DOK6: variants seen among roughly 807,000 people sequenced by gnomAD.
The protein encoded by DOK6 is downstream of tyrosine kinase 6.
Under a neutral mutation model 44.0 loss-of-function variants are expected in DOK6, and 22 were observed. That is an observed-to-expected ratio of 0.50 (90% confidence interval 0.36 to 0.71). DOK6 has a LOEUF of 0.71. Among genes scored for constraint, DOK6 ranks in the 30% least tolerant of loss-of-function variants. DOK6 has a pLI of 0.00. For synonymous variants in DOK6, 166 were observed against 145.5 expected (o/e 1.14, Z -1.01); for missense variants, 340 against 416.4 (o/e 0.82, Z 1.60).
chr18:69,469,740 C>T (rs1568267838), intron 1 of DOK6: 2 of 269,438 alleles, frequency 7.4e-6, no homozygotes, highest in Non-Finnish European at 7.7e-6. Context: ...GGGCAGGACA[C>T]GAGAGGCCAG....
chr18:69,483,206 T>C (rs7233100), intron 1 of DOK6, among the ~76,000 whole-genome samples: 36,189 of 151,776 alleles, frequency 0.24, 4,738 homozygotes, highest in East Asian at 0.53. Flanking sequence ...TATCCCTGCA[T>C]GAACCTATAT....
intron 3 of DOK6, among the ~76,000 whole-genome samples, chr18:69,624,772 A>T (rs1369901155): frequency 1.3e-5 from 2 of 152,108 alleles, no homozygotes; most frequent in Non-Finnish European, 2.9e-5. Flanking sequence ...TCATTTTATC[A>T]TACATATTAG....
In DOK6 at chr18:69,846,782, CTT is replaced by C. The variant is rs1982353718; in HGVS notation, c.*5401_*5402del. 1 of 152,122 alleles carries C rather than the reference CTT, an allele frequency of 6.6e-6. No individual in the cohort carries two copies. The highest frequency in any genetic ancestry group is 1.5e-5 in the Non-Finnish European group (1 of 68,008). The allele number at this position is 152,122 out of a possible 1,614,324, so 9.4% of individuals were successfully genotyped here. On this transcript the variant is annotated 3_prime_UTR_variant, in exon 8 of 8. Coordinates refer to ENST00000382713, the MANE Select transcript of DOK6 (RefSeq NM_152721.6). ...TCATTATTTATGGCATTTTTAACAA[CTT>C]TGTTGCATAATTGATAACATCAGGG... is the stretch of plus-strand genomic sequence containing the variant.
At chr18:69,434,953 AGGG>A (rs1978913919) in intron 1 of DOK6, among the ~76,000 whole-genome samples, 2 of 123,908 alleles carry the variant, frequency 1.6e-5, no homozygotes, top group Non-Finnish European at 3.4e-5. Context: ...GGAGGGAGGG[AGGG>A]AAGGAAGGAA....
At chr18:69,826,283 C>G (rs1187748782) in intron 7 of DOK6, among the ~76,000 whole-genome samples, 1 of 152,152 alleles carries the variant, frequency 6.6e-6, no homozygotes, top group Non-Finnish European at 1.5e-5. Context: ...GTACTCTCAG[C>G]CTTTTCCATA....
chr18:69,826,397 GA>G, intron 7 of DOK6, among the ~76,000 whole-genome samples: 1 of 152,166 alleles, frequency 6.6e-6, no homozygotes, highest in East Asian at 1.9e-4. Context: ...TATTTAATAT[GA>G]AAAATAATTC....
chr18:69,406,615 A>C (rs1916210896), intron 1 of DOK6, among the ~76,000 whole-genome samples: 1 of 152,240 alleles, frequency 6.6e-6, no homozygotes, highest in Admixed American at 6.5e-5. Flanking sequence ...GATAATACTC[A>C]GTACTTAAAG....
chr18:69,637,402 T>C (rs779215228), intron 3 of DOK6, among the ~76,000 whole-genome samples: 27 of 152,340 alleles, frequency 1.8e-4, no homozygotes, highest in Non-Finnish European at 3.2e-4. Context: ...AAGATACTTT[T>C]ATCCTTATTT....
At chr18:69,427,305 G>A (rs552737332) in intron 1 of DOK6, among the ~76,000 whole-genome samples, 7 of 152,126 alleles carry the variant, frequency 4.6e-5, no homozygotes, top group South Asian at 2.1e-4. Flanking sequence ...ACATAAAAAC[G>A]TGGGCAAAGG....
At chr18:69,800,176 C>T (rs926891332) in intron 7 of DOK6, among the ~76,000 whole-genome samples, 3 of 151,946 alleles carry the variant, frequency 2.0e-5, no homozygotes, top group Admixed American at 6.6e-5. Flanking sequence ...TATAAAGCCA[C>T]TAATCTATGG....
chr18:69,679,982 TAAAG>T (rs758154150), intron 4 of DOK6, among the ~76,000 whole-genome samples: 8 of 151,710 alleles, frequency 5.3e-5, no homozygotes, highest in African/African-American at 9.7e-5. Flanking sequence ...CAAGTCAAAA[TAAAG>T]AAAGAAAAAA....
chr18:69,801,084 A>ATTTTTG (rs146264896), intron 7 of DOK6, among the ~76,000 whole-genome samples: 1 of 142,648 alleles, frequency 7.0e-6, no homozygotes, highest in South Asian at 2.3e-4. Context: ...CTTTACTTTG[A>ATTTTTG]TTTTGTTTTG....
rs57483057 is a variant in DOK6, at chr18:69,677,475, G to A, written c.290-259G>A. Among the ~76,000 whole-genome samples, 63 of 151,826 alleles carry A rather than the reference G, an allele frequency of 4.1e-4. 1 individual carries two copies. The East Asian group carries it at 0.012, about 28-fold the overall frequency. ...AATCAATCTAAACTATGCTATATAA[G>A]AAACAAATATTCTCAGACTATTATT... On this transcript the variant is annotated intron_variant, in intron 3 of 7. Coordinates refer to ENST00000382713, the MANE Select transcript of DOK6 (RefSeq NM_152721.6).
chr18:69,784,192 A>T (rs897424747), intron 7 of DOK6, among the ~76,000 whole-genome samples: 2 of 152,204 alleles, frequency 1.3e-5, no homozygotes, highest in African/African-American at 4.8e-5. Context: ...CTCAAAAAAA[A>T]TAAAATAATA....
chr18:69,815,500 A>G (rs969084778), intron 7 of DOK6, among the ~76,000 whole-genome samples: 1 of 152,190 alleles, frequency 6.6e-6, no homozygotes, highest in Non-Finnish European at 1.5e-5. Flanking sequence ...CTGCAGTGTC[A>G]ACGTGATTAG....
At chr18:69,761,863 C>T (rs1047192648) in intron 7 of DOK6, among the ~76,000 whole-genome samples, 1 of 152,234 alleles carries the variant, frequency 6.6e-6, no homozygotes, top group Admixed American at 6.5e-5. Flanking sequence ...CCGAGTTACG[C>T]AAGTTACCGG....
At chr18:69,478,258 T>C (rs1490987701) in intron 1 of DOK6, among the ~76,000 whole-genome samples, 1 of 152,178 alleles carries the variant, frequency 6.6e-6, no homozygotes, top group Non-Finnish European at 1.5e-5. Context: ...AGCAGTCTTA[T>C]TTTAGCATAG....
intron 2 of DOK6, among the ~76,000 whole-genome samples, chr18:69,594,547 C>A: frequency 6.6e-6 from 1 of 150,612 alleles, no homozygotes; most frequent in East Asian, 2.0e-4. Context: ...TTCACCCCTC[C>A]TATTCTACAT....
chr18:69,768,220 T>C lies in DOK6; in HGVS notation c.856+10347T>C, dbSNP rs766160272. 2.8e-4 allele frequency among the ~76,000 whole-genome samples: 43 copies of C among 152,156 alleles called. 1 individual carries two copies. Among genetic ancestry groups the C allele is most frequent in the Non-Finnish European group, 8.8e-5 (6 of 68,020 alleles). On this transcript the variant is annotated intron_variant, in intron 7 of 7. Transcript: ENST00000382713. ...AGTACATAATATTAGTTCAGGGAAA[T>C]GTCAATACAACCAGATTAATTAATA...
Sources: gnomAD v4.1 joint callset for allele counts (sites outside exome capture counted in the v4.1 genomes callset) on GRCh38, gnomAD v4.1.1 for gene constraint, MANE v1.5 for transcripts, NCBI Gene and HGNC (gene_info 2026-07-23, HGNC 2026-07-21) for gene names.